The following FGF12 variants were observed in gnomAD, a reference collection of about 807,000 sequenced individuals.
FGF12 encodes the protein fibroblast growth factor 12.
FGF12 carries 14 observed loss-of-function variants against 23.6 expected under a neutral mutation model. That is an observed-to-expected ratio of 0.59 (90% CI 0.39 to 0.93). The LOEUF (loss-of-function observed/expected upper bound fraction) is 0.93, where lower values mean the gene tolerates loss of function less well. Ranked by LOEUF, FGF12 falls within the 40% of genes least tolerant of loss-of-function variation. The probability of loss-of-function intolerance (pLI) is 0.00; values close to 1 mark genes in which losing one functional copy is unlikely to be tolerated. For missense variants in FGF12, 175 were observed against 217.8 expected (o/e 0.80, Z 1.24); for synonymous variants, 62 against 77.3 (o/e 0.80, Z 1.04).
At chr3:192,512,395 AC>A (rs1724505076) in intron 2 of FGF12, among the ~76,000 whole-genome samples, 1 of 152,104 alleles carries the variant, frequency 6.6e-6, no homozygotes, top group Admixed American at 6.5e-5. Flanking sequence ...TGATAAAAGG[AC>A]CTAAAATATA....
At chr3:192,382,154 G>A (rs1156816554) in intron 2 of FGF12, among the ~76,000 whole-genome samples, 1 of 151,954 alleles carries the variant, frequency 6.6e-6, no homozygotes, top group Non-Finnish European at 1.5e-5. Context: ...GTGCCAACAC[G>A]CCCAGCTAAT....
At chr3:192,566,909 C>T (rs1221574627) in intron 2 of FGF12, among the ~76,000 whole-genome samples, 4 of 152,268 alleles carry the variant, frequency 2.6e-5, no homozygotes, top group South Asian at 2.1e-4. Flanking sequence ...CAGCAAGAGC[C>T]GGCGGCCTAG....
chr3:192,388,673 T>A (rs1720159407), intron 2 of FGF12, among the ~76,000 whole-genome samples: 1 of 152,104 alleles, frequency 6.6e-6, no homozygotes, highest in Admixed American at 6.5e-5. Context: ...TAAAAATTAA[T>A]GTCATTTTCT....
chr3:192,623,203 C>T (rs1413066669), intron 2 of FGF12, among the ~76,000 whole-genome samples: 1 of 152,172 alleles, frequency 6.6e-6, no homozygotes, highest in African/African-American at 2.4e-5. Context: ...CAACTAATAA[C>T]AAGGCAAAAG....
At chr3:192,181,896 C>CA (rs1231739218) in intron 4 of FGF12, among the ~76,000 whole-genome samples, 1 of 151,676 alleles carries the variant, frequency 6.6e-6, no homozygotes, top group African/African-American at 2.4e-5. Context: ...AGACATGGGC[C>CA]ACCATGCTCA....
intron 4 of FGF12, among the ~76,000 whole-genome samples, chr3:192,206,723 T>C (rs978341517): frequency 1.3e-5 from 2 of 152,186 alleles, no homozygotes; most frequent in Non-Finnish European, 2.9e-5. Context: ...ACCCTACCTA[T>C]AAGTTTTATT....
chr3:192,547,452 C>A (rs1014107780), intron 2 of FGF12, among the ~76,000 whole-genome samples: 1 of 152,178 alleles, frequency 6.6e-6, no homozygotes, highest in Non-Finnish European at 1.5e-5. Context: ...CCCCCAATGT[C>A]TCTCTTTCAT....
intron 3 of FGF12, among the ~76,000 whole-genome samples, chr3:192,349,958 A>C (rs1718141930): frequency 6.6e-6 from 1 of 152,168 alleles, no homozygotes; most frequent in African/African-American, 2.4e-5. Flanking sequence ...AGCAGTACAA[A>C]ATGCAGATAA....
intron 5 of FGF12, among the ~76,000 whole-genome samples, chr3:192,161,593 C>G (rs564383051): frequency 3.3e-5 from 5 of 151,810 alleles, no homozygotes; most frequent in South Asian, 4.2e-4. Context: ...GGTAACAATT[C>G]TAGTTTTGCT....
At chr3:192,662,653 A>G (rs1454951358) in intron 2 of FGF12, among the ~76,000 whole-genome samples, 1 of 152,210 alleles carries the variant, frequency 6.6e-6, no homozygotes, top group Admixed American at 6.5e-5. Context: ...TGGGGTTTCT[A>G]CAACTAATGC....
At chr3:192,704,302 A>G (rs539823435) in intron 2 of FGF12, among the ~76,000 whole-genome samples, 3 of 152,190 alleles carry the variant, frequency 2.0e-5, no homozygotes, top group Non-Finnish European at 4.4e-5. Context: ...ATGGATCATA[A>G]CTGTTTGATC....
At chr3:192,198,178 A>G (rs1272501577) in intron 4 of FGF12, among the ~76,000 whole-genome samples, 1 of 152,178 alleles carries the variant, frequency 6.6e-6, no homozygotes, top group Non-Finnish European at 1.5e-5. Context: ...TCTGATAAAA[A>G]GATATGAAAA....
intron 2 of FGF12, among the ~76,000 whole-genome samples, chr3:192,415,349 C>G (rs903228480): frequency 3.3e-5 from 5 of 152,236 alleles, no homozygotes; most frequent in African/African-American, 1.2e-4. Flanking sequence ...GGGCCATTGT[C>G]TATTTTGTTT....
intron 2 of FGF12, among the ~76,000 whole-genome samples, chr3:192,499,891 C>T (rs1034898513): frequency 3.3e-5 from 5 of 152,046 alleles, no homozygotes; most frequent in African/African-American, 7.2e-5. Context: ...AAGTCACTTA[C>T]GCTCTCTGCA....
At chr3:192,316,517 G>A (rs542422867) in intron 4 of FGF12, among the ~76,000 whole-genome samples, 2 of 152,314 alleles carry the variant, frequency 1.3e-5, no homozygotes, top group African/African-American at 4.8e-5. Flanking sequence ...CTGTTACAGT[G>A]GAAAACAGCA....
intron 2 of FGF12, among the ~76,000 whole-genome samples, chr3:192,397,435 T>C (rs957108692): frequency 6.6e-6 from 1 of 152,214 alleles, no homozygotes; most frequent in Admixed American, 6.5e-5. Context: ...TTCCTAGAAT[T>C]CTGAGCTTCT....
chr3:192,401,211 T>C (rs996942431), intron 2 of FGF12, among the ~76,000 whole-genome samples: 1 of 152,264 alleles, frequency 6.6e-6, no homozygotes, highest in Non-Finnish European at 1.5e-5. Context: ...TCTAGCTTAA[T>C]AGAAGTCAGC....
intron 2 of FGF12, among the ~76,000 whole-genome samples, chr3:192,371,108 C>G (rs1040264685): frequency 6.6e-6 from 1 of 152,200 alleles, no homozygotes; most frequent in East Asian, 1.9e-4. Flanking sequence ...ATGAACATGG[C>G]TTTCCAGGCA....
At chr3:192,344,740 T>G (rs1717869307) in intron 3 of FGF12, among the ~76,000 whole-genome samples, 1 of 152,252 alleles carries the variant, frequency 6.6e-6, no homozygotes, top group African/African-American at 2.4e-5. Flanking sequence ...AAAAGTCCTG[T>G]CATTGACTTT....
Sources: gnomAD v4.1 joint callset for allele counts (sites outside exome capture counted in the v4.1 genomes callset) on GRCh38, gnomAD v4.1.1 for gene constraint, MANE v1.5 for transcripts, NCBI Gene and HGNC (gene_info 2026-07-23, HGNC 2026-07-21) for gene names.